CSGALNACT1: variants seen among roughly 807,000 people sequenced by gnomAD.
CSGALNACT1 encodes the protein chondroitin sulfate N-acetylgalactosaminyltransferase 1.
In CSGALNACT1, 52 loss-of-function variants were observed where a neutral mutation model predicts 51.0. That is an observed-to-expected ratio of 1.02 (90% CI 0.82 to 1.29). The LOEUF is 1.29. Ranked by LOEUF, CSGALNACT1 falls within the 50% of genes most tolerant of loss-of-function variation. CSGALNACT1 has a pLI of 0.00. For missense variants in CSGALNACT1, 935 were observed against 679.2 expected (o/e 1.38, Z -4.19); for synonymous variants, 341 against 254.4 (o/e 1.34, Z -3.24).
At chr8:19,424,150 G>A (rs2058409063) in intron 6 of CSGALNACT1, among the ~76,000 whole-genome samples, 1 of 152,156 alleles carries the variant, frequency 6.6e-6, no homozygotes, top group Non-Finnish European at 1.5e-5. Context: ...ACCAGGTCCT[G>A]ATGAGAGAGC....
chr8:19,662,431 C>G (rs1564373829), intron 1 of CSGALNACT1, among the ~76,000 whole-genome samples: 1 of 152,096 alleles, frequency 6.6e-6, no homozygotes, highest in East Asian at 1.9e-4. Flanking sequence ...ACAATTACAA[C>G]AAGGTTTTAT....
chr8:19,628,857 G>C (rs1285092104), intron 1 of CSGALNACT1, among the ~76,000 whole-genome samples: 1 of 152,040 alleles, frequency 6.6e-6, no homozygotes, highest in Non-Finnish European at 1.5e-5. Context: ...CAACAATATG[G>C]GGGGAGGAAA....
In CSGALNACT1 at chr8:19,709,565, A is replaced by T. The variant is rs182355369; in HGVS notation, c.-297+48285T>A. 1.6e-4 allele frequency among the ~76,000 whole-genome samples: 25 copies of T among 152,362 alleles called. No individual in the cohort carries two copies. The East Asian group carries it at 4.6e-3, about 28-fold the overall frequency. On this transcript the variant is annotated intron_variant, in intron 1 of 1. Transcript: ENST00000517494. ...ACTGAGAGAATGAAGTGGTTCCTAC[A>T]GAGGGAACAGCAAGTGCTCCTGAGG...
At chr8:19,522,575 G>T (rs2080939262) in intron 3 of CSGALNACT1, among the ~76,000 whole-genome samples, 2 of 152,094 alleles carry the variant, frequency 1.3e-5, no homozygotes, top group South Asian at 4.1e-4. Context: ...ATTAGGTCTG[G>T]GGACAATAGA....
At chr8:19,422,295 TC>T (rs1401537873) in intron 6 of CSGALNACT1, among the ~76,000 whole-genome samples, 7 of 152,128 alleles carry the variant, frequency 4.6e-5, no homozygotes, top group African/African-American at 1.4e-4. Flanking sequence ...GCTCAAGCAA[TC>T]CTCTTCTCTC....
At chr8:19,556,232 TG>T (rs1412606865) in intron 3 of CSGALNACT1, among the ~76,000 whole-genome samples, 1 of 150,598 alleles carries the variant, frequency 6.6e-6, no homozygotes, top group East Asian at 2.0e-4. Flanking sequence ...AAAAGTTAGC[TG>T]GGCATGGTGG....
At chr8:19,624,606 G>A (rs1044962443) in intron 1 of CSGALNACT1, among the ~76,000 whole-genome samples, 2 of 151,454 alleles carry the variant, frequency 1.3e-5, no homozygotes, top group African/African-American at 4.9e-5. Flanking sequence ...ATGGAGTTTG[G>A]AGTCTCCCCC....
exon 4 of CSGALNACT1, chr8:19,505,370 C>T (rs750350836): frequency 6.2e-7 from 1 of 1,614,222 alleles, no homozygotes; most frequent in East Asian, 2.2e-5. Context: ...GCTGGTACAC[C>T]TTCTGTAGAG....
intron 1 of CSGALNACT1, among the ~76,000 whole-genome samples, chr8:19,714,033 C>T (rs2062662345): frequency 6.6e-6 from 1 of 152,232 alleles, no homozygotes; most frequent in Non-Finnish European, 1.5e-5. Flanking sequence ...CTCCTCTCTG[C>T]ACCCAAAGCA....
chr8:19,598,815 G>A (rs2049560523), intron 2 of CSGALNACT1, among the ~76,000 whole-genome samples: 1 of 152,228 alleles, frequency 6.6e-6, no homozygotes, highest in South Asian at 2.1e-4. Context: ...AAGAATGTGG[G>A]TGGTGCCAGA....
At chr8:19,462,971 C>A (rs909387747) in intron 4 of CSGALNACT1, among the ~76,000 whole-genome samples, 1 of 152,214 alleles carries the variant, frequency 6.6e-6, no homozygotes, top group African/African-American at 2.4e-5. Flanking sequence ...CCTCACCCTC[C>A]TCCTACTCTC....
chr8:19,607,778 T>C (rs2051600840), intron 1 of CSGALNACT1, among the ~76,000 whole-genome samples: 1 of 152,202 alleles, frequency 6.6e-6, no homozygotes, highest in Non-Finnish European at 1.5e-5. Flanking sequence ...CACTTCCCAA[T>C]CTGTAAAATG....
At chr8:19,612,278 G>C (rs947929216) in intron 1 of CSGALNACT1, among the ~76,000 whole-genome samples, 1 of 151,880 alleles carries the variant, frequency 6.6e-6, no homozygotes, top group African/African-American at 2.4e-5. Context: ...GGGAGGCTGA[G>C]GTTGCAGTGA....
intron 3 of CSGALNACT1, among the ~76,000 whole-genome samples, chr8:19,517,564 G>A (rs891280235): frequency 6.6e-6 from 1 of 152,192 alleles, no homozygotes; most frequent in Non-Finnish European, 1.5e-5. Flanking sequence ...ACGTGCCCGA[G>A]AGTGGGTCAT....
chr8:19,405,769 T>C (rs2054011409), exon 10 of CSGALNACT1: 8 of 1,614,084 alleles, frequency 5.0e-6, no homozygotes, highest in Non-Finnish European at 6.8e-6. Context: ...CCACAATCCT[T>C]CTCTGGGAGT....
At chr8:19,620,174 G>A (rs1049545997) in intron 1 of CSGALNACT1, among the ~76,000 whole-genome samples, 1 of 151,878 alleles carries the variant, frequency 6.6e-6, no homozygotes, top group Non-Finnish European at 1.5e-5. Context: ...AATTAGCCAG[G>A]AGTTGAGGTA....
intron 3 of CSGALNACT1, among the ~76,000 whole-genome samples, chr8:19,520,021 G>T (rs1008475210): frequency 6.6e-6 from 1 of 152,246 alleles, no homozygotes; most frequent in Admixed American, 6.5e-5. Flanking sequence ...GAGGTGTTTT[G>T]CTGGCGTGTT....
At chr8:19,549,380 G>A (rs2087328363) in intron 3 of CSGALNACT1, among the ~76,000 whole-genome samples, 1 of 151,930 alleles carries the variant, frequency 6.6e-6, no homozygotes, top group South Asian at 2.1e-4. Flanking sequence ...ATTAATAACT[G>A]CTTCAATTTT....
chr8:19,688,410 G>C (rs756790160), intron 1 of CSGALNACT1, among the ~76,000 whole-genome samples: 1 of 152,124 alleles, frequency 6.6e-6, no homozygotes, highest in African/African-American at 2.4e-5. Context: ...CACCCTGAAG[G>C]GGAAGGCAAG....
Sources: gnomAD v4.1 joint callset for allele counts (sites outside exome capture counted in the v4.1 genomes callset) on GRCh38, gnomAD v4.1.1 for gene constraint, MANE v1.5 for transcripts, NCBI Gene and HGNC (gene_info 2026-07-23, HGNC 2026-07-21) for gene names.